SMYD3: variants seen among roughly 807,000 people sequenced by gnomAD.
The protein encoded by SMYD3 is histone-lysine N-methyltransferase SMYD3.
Under a neutral mutation model 57.7 loss-of-function variants are expected in SMYD3, and 36 were observed. The ratio of observed to expected loss-of-function variants is 0.62; its 90% confidence interval spans 0.48 to 0.82. SMYD3 has a LOEUF of 0.82. SMYD3 is among the 40% of genes least tolerant of loss of function. The pLI, the probability that SMYD3 is intolerant of heterozygous loss-of-function variation, is 0.00. For missense variants in SMYD3, 515 were observed against 538.8 expected (o/e 0.96, Z 0.44); for synonymous variants, 211 against 195.0 (o/e 1.08, Z -0.68).
At chr1:246,030,936 G>A (rs574374803) in intron 5 of SMYD3, among the ~76,000 whole-genome samples, 36 of 152,236 alleles carry the variant, frequency 2.4e-4, no homozygotes, top group African/African-American at 8.4e-4. Flanking sequence ...ATCAAGGCAA[G>A]GCATGTGGAC....
At chr1:246,036,714 C>T (rs796250555) in intron 5 of SMYD3, among the ~76,000 whole-genome samples, 11 of 78,256 alleles carry the variant, frequency 1.4e-4, no homozygotes, top group Middle Eastern at 6.0e-3. Flanking sequence ...CCACTAAGCC[C>T]GGCTAATTTT....
chr1:246,312,381 T>C (rs891845591), intron 5 of SMYD3, among the ~76,000 whole-genome samples: 4 of 151,984 alleles, frequency 2.6e-5, no homozygotes, highest in Non-Finnish European at 4.4e-5. Flanking sequence ...GCCATTTAGG[T>C]GAGATCGGAA....
At chr1:246,041,623 T>C (rs2059875309) in intron 5 of SMYD3, among the ~76,000 whole-genome samples, 1 of 152,136 alleles carries the variant, frequency 6.6e-6, no homozygotes, top group Admixed American at 6.5e-5. Flanking sequence ...GCAATGTTCA[T>C]ACTCTCTAAG....
At chr1:246,463,772 T>C (rs1360701340) in intron 1 of SMYD3, among the ~76,000 whole-genome samples, 2 of 129,770 alleles carry the variant, frequency 1.5e-5, no homozygotes, top group African/African-American at 2.9e-5. Flanking sequence ...GGAGGCGGAG[T>C]TTGCAGTGAG....
chr1:246,276,622 C>T lies in SMYD3; in HGVS notation c.531+50579G>A, dbSNP rs943257381. The stretch of plus-strand genomic sequence containing the variant: ...CATTTTTTCACTACCCGTATTAACA[C>T]TGGCAGGTTATTTAATGTTTCTAGT... On this transcript the variant is annotated intron_variant, in intron 5 of 11. Transcript: ENST00000490107. Among the ~76,000 whole-genome samples, 3 of 151,442 alleles carry T rather than the reference C, an allele frequency of 2.0e-5. No individual in the cohort carries two copies. The East Asian group carries it at 5.8e-4, about 29-fold the overall frequency.
At chr1:245,993,580 AGATAGATAGAT>A (rs1439370491) in intron 5 of SMYD3, among the ~76,000 whole-genome samples, 1 of 10,808 alleles carries the variant, frequency 9.3e-5, no homozygotes, top group African/African-American at 1.3e-4. Flanking sequence ...AAAAAAAAAA[AGATAGATAGAT>A]AGATAGATAG....
chr1:246,507,233 G>C lies in SMYD3; in HGVS notation c.-16C>G, dbSNP rs920870662. 74 of 1,508,578 alleles carry C rather than the reference G, an allele frequency of 4.9e-5. No homozygotes were observed. In the African/African-American group the frequency reaches 7.4e-4, roughly 15 times the overall value. 93.4% of individuals were successfully genotyped at this position (1,508,578 alleles called of 1,614,324 possible). A position where few individuals can be genotyped will look rare whatever the true frequency, so the allele number is the denominator to read the frequency against. ...GCGGCTCCATCCTCCCGCAGCTCCGGCACCTCAGACGGCTACCCGCGTCCA... is the reference window on the plus strand; with the variant it reads ...GCGGCTCCATCCTCCCGCAGCTCCGCCACCTCAGACGGCTACCCGCGTCCA... On this transcript the variant is annotated 5_prime_UTR_variant, in exon 1 of 12. Transcript: ENST00000490107.
At chr1:245,869,063 C>T (rs2052031462) in intron 8 of SMYD3, among the ~76,000 whole-genome samples, 1 of 151,772 alleles carries the variant, frequency 6.6e-6, no homozygotes, top group Non-Finnish European at 1.5e-5. Flanking sequence ...AACACAAAGA[C>T]ACTTGATATA....
intron 1 of SMYD3, among the ~76,000 whole-genome samples, chr1:246,383,988 A>G (rs2066429662): frequency 1.3e-5 from 2 of 152,170 alleles, no homozygotes; most frequent in African/African-American, 4.8e-5. Flanking sequence ...AAGATCTGGA[A>G]TGGTGAGTCT....
At chr1:246,085,691 C>T (rs1022374081) in intron 5 of SMYD3, among the ~76,000 whole-genome samples, 12 of 152,144 alleles carry the variant, frequency 7.9e-5, no homozygotes, top group African/African-American at 2.7e-4. Context: ...AACAAGCTCA[C>T]GTTTAACTGC....
intron 9 of SMYD3, 53 bp downstream of exon 9, chr1:245,863,746 A>G (rs1273463842): frequency 6.4e-7 from 1 of 1,555,068 alleles, no homozygotes; most frequent in Admixed American, 1.7e-5. Context: ...GGGCTTCAAG[A>G]AAACAAGGAA....
rs187497312 is a variant in SMYD3, at chr1:246,310,708, C to T, written c.531+16493G>A. On this transcript the variant is annotated intron_variant, in intron 5 of 11. Transcript: ENST00000490107. ...TTTCTGAGAGGGAGTCTACCTCTGT[C>T]ACCCAGGCTGGAGTGCAGTGGCGCG... 2.2e-3 allele frequency among the ~76,000 whole-genome samples: 297 copies of T among 132,898 alleles called. 1 individual carries two copies. The highest frequency in any genetic ancestry group is 4.8e-3 in the Middle Eastern group (1 of 208). 87.2% of individuals were successfully genotyped at this position (132,898 alleles called of 152,430 possible). A position where few individuals can be genotyped will look rare whatever the true frequency, so the allele number is the denominator to read the frequency against.
intron 1 of SMYD3, among the ~76,000 whole-genome samples, chr1:246,440,727 G>T (rs1003456870): frequency 2.0e-5 from 3 of 152,086 alleles, no homozygotes; most frequent in Non-Finnish European, 4.4e-5. Context: ...AGTAGCAAAG[G>T]GTAATTAAAA....
At chr1:246,092,865 T>C (rs546485396) in intron 5 of SMYD3, among the ~76,000 whole-genome samples, 1 of 151,740 alleles carries the variant, frequency 6.6e-6, no homozygotes, top group East Asian at 1.9e-4. Context: ...TGACAAGTGA[T>C]TAATAATGAG....
At chr1:246,288,499 A>G (rs2148588741) in intron 5 of SMYD3, among the ~76,000 whole-genome samples, 1 of 152,214 alleles carries the variant, frequency 6.6e-6, no homozygotes, top group East Asian at 1.9e-4. Flanking sequence ...TAATGCAGAG[A>G]CTAAGACTCC....
At position 246,335,360 on chromosome 1, in the gene SMYD3, T is replaced by C. The variant is rs376895373; in HGVS notation, c.336+7A>G. On this transcript the variant is annotated splice_region_variant and intron_variant, in intron 3 of 11. Coordinates refer to ENST00000490107, the MANE Select transcript of SMYD3 (RefSeq NM_001167740.2). The stretch of plus-strand genomic sequence containing the variant: ...ACCCAGCTATATTTCATGAGTTTTA[T>C]ACTCACAAGTTTGAAGACAACTCTG... 49 of 1,612,708 alleles carry C rather than the reference T, an allele frequency of 3.0e-5. No individual in the cohort carries two copies. The highest frequency in any genetic ancestry group is 3.6e-5 in the Non-Finnish European group (42 of 1,178,830).
chr1:245,803,549 T>C (rs1174250876), intron 10 of SMYD3, among the ~76,000 whole-genome samples: 1 of 152,112 alleles, frequency 6.6e-6, no homozygotes, highest in African/African-American at 2.4e-5. Flanking sequence ...CTGAGTGCAA[T>C]GATGGTGGGA....
chr1:245,997,510 C>G (rs2058954307), intron 5 of SMYD3, among the ~76,000 whole-genome samples: 1 of 152,210 alleles, frequency 6.6e-6, no homozygotes. Context: ...CACATGATTT[C>G]ACTTCCTTGG....
chr1:246,002,654 A>G (rs140280732), intron 5 of SMYD3, among the ~76,000 whole-genome samples: 60,829 of 62,708 alleles, frequency 0.97, 29,509 homozygotes, highest in East Asian at 0.98. Flanking sequence ...GGGTTTCACC[A>G]TGTTAGCCAG....
Sources: gnomAD v4.1 joint callset for allele counts (sites outside exome capture counted in the v4.1 genomes callset) on GRCh38, gnomAD v4.1.1 for gene constraint, MANE v1.5 for transcripts, NCBI Gene and HGNC (gene_info 2026-07-23, HGNC 2026-07-21) for gene names.